The following VEPH1 variants were observed in gnomAD, a reference collection of about 807,000 sequenced individuals.
VEPH1 encodes the protein ventricular zone-expressed PH domain-containing protein homolog 1.
A neutral mutation model predicts 85.2 loss-of-function variants in VEPH1; 80 were observed. That is an observed-to-expected ratio of 0.94 (90% CI 0.78 to 1.13). The LOEUF (loss-of-function observed/expected upper bound fraction) is 1.13. Ranked by LOEUF, VEPH1 falls within the 50% of genes most tolerant of loss-of-function variation. The pLI is 0.00. For synonymous variants in VEPH1, 297 were observed against 348.0 expected (o/e 0.85, Z 1.63); for missense variants, 955 against 980.5 (o/e 0.97, Z 0.35).
At chr3:157,492,287 C>T (rs575391388) in intron 2 of VEPH1, among the ~76,000 whole-genome samples, 1 of 152,272 alleles carries the variant, frequency 6.6e-6, no homozygotes, top group South Asian at 2.1e-4. Flanking sequence ...CAGCATGAAA[C>T]ACACAAGAAT....
intron 6 of VEPH1, among the ~76,000 whole-genome samples, chr3:157,402,912 G>T (rs994963106): frequency 9.9e-5 from 15 of 152,102 alleles, no homozygotes; most frequent in African/African-American, 3.6e-4. Context: ...ATAGTGTATT[G>T]TTGCTAAGCC....
chr3:157,378,748 C>T (rs13068603), intron 7 of VEPH1, among the ~76,000 whole-genome samples: 3 of 151,954 alleles, frequency 2.0e-5, no homozygotes, highest in Non-Finnish European at 2.9e-5. Flanking sequence ...GTTAAGAGAT[C>T]GTCCCAGGTT....
Position 157,470,832 on chromosome 3 carries a change from T to C in VEPH1, c.139-303A>G, listed in dbSNP as rs1736880367. 2.0e-5 allele frequency among the ~76,000 whole-genome samples: 3 copies of C among 152,126 alleles called. No homozygotes were observed. In the South Asian group the frequency reaches 6.2e-4, roughly 32 times the overall value. On this transcript the variant is annotated intron_variant, in intron 2 of 13. Coordinates refer to ENST00000362010, the MANE Select transcript of VEPH1 (RefSeq NM_001167912.2). ...GGGTTTAATCTTTAGACTATTTCAG[T>C]TTCTAAGTCCATTACAGGGCAGGGG...
At chr3:157,398,484 A>G (rs1365292381) in intron 6 of VEPH1, among the ~76,000 whole-genome samples, 1 of 152,116 alleles carries the variant, frequency 6.6e-6, no homozygotes, top group Admixed American at 6.5e-5. Flanking sequence ...AAATACAAAA[A>G]TTAGCTGGGC....
At chr3:157,476,882 C>T (rs1737520934) in intron 2 of VEPH1, among the ~76,000 whole-genome samples, 2 of 152,148 alleles carry the variant, frequency 1.3e-5, no homozygotes, top group South Asian at 2.1e-4. Flanking sequence ...GGAGCAGTCA[C>T]AACCTGAGAA....
chr3:157,369,163 A>G (rs1727102240), intron 7 of VEPH1, among the ~76,000 whole-genome samples: 1 of 143,430 alleles, frequency 7.0e-6, no homozygotes, highest in Non-Finnish European at 1.5e-5. Flanking sequence ...TAACAACAAC[A>G]ACAACAAAAA....
rs192578092 is a variant in VEPH1, at chr3:157,384,707, C to T, written c.907-3331G>A. 8.4e-4 allele frequency among the ~76,000 whole-genome samples: 128 copies of T among 152,288 alleles called. 1 individual carries two copies. The highest frequency in any genetic ancestry group is 5.7e-4 in the Non-Finnish European group (39 of 68,018). ...CTGGAACTAAAGTATGAAACCAAGCCAACCTCACATCATTTGTTCTGAAAC... is the reference window on the plus strand; with the variant it reads ...CTGGAACTAAAGTATGAAACCAAGCTAACCTCACATCATTTGTTCTGAAAC... On this transcript the variant is annotated intron_variant, in intron 6 of 13. Coordinates refer to ENST00000362010, the MANE Select transcript of VEPH1 (RefSeq NM_001167912.2).
intron 12 of VEPH1, among the ~76,000 whole-genome samples, chr3:157,279,735 C>T (rs1016499102): frequency 1.1e-4 from 17 of 151,894 alleles, no homozygotes; most frequent in African/African-American, 3.9e-4. Context: ...ACCAGTATGT[C>T]AGTTGGGCCT....
chr3:157,273,946 A>G (rs1277051049), intron 12 of VEPH1, among the ~76,000 whole-genome samples: 5 of 152,214 alleles, frequency 3.3e-5, no homozygotes, highest in African/African-American at 1.2e-4. Context: ...TTTCTCTAGT[A>G]TAGGCCTATG....
intron 5 of VEPH1, among the ~76,000 whole-genome samples, chr3:157,415,457 G>C (rs914847029): frequency 1.3e-5 from 2 of 152,128 alleles, no homozygotes; most frequent in Admixed American, 6.5e-5. Context: ...TTCAGGGAAG[G>C]CCTCTCTCAG....
At position 157,317,134 on chromosome 3, in the gene VEPH1, G is replaced by T. The variant is rs372901665; in HGVS notation, c.1803C>A (p.Tyr601Ter). ...TCSLKGHYCL[Y>*]SKSSFILISQ... ...TGATGAGAATAAAACTGGACTTACT[G>T]TATAGGCAGTAATGACCCTTCAGGG... Residue 601 changes from tyrosine (Y) to a stop codon, truncating the protein, a stop_gained, in exon 10 of 14, where the codon TAC becomes TAA. Coordinates refer to ENST00000362010, the MANE Select transcript of VEPH1 (RefSeq NM_001167912.2). LOFTEE classifies it high-confidence loss of function. 6.2e-7 allele frequency: 1 copy of T among 1,613,690 alleles called. No individual in the cohort carries two copies. Among genetic ancestry groups the T allele is most frequent in the Non-Finnish European group, 8.5e-7 (1 of 1,179,782 alleles).
At chr3:157,431,224 C>T (rs537598527) in intron 4 of VEPH1, among the ~76,000 whole-genome samples, 11 of 152,266 alleles carry the variant, frequency 7.2e-5, no homozygotes, top group East Asian at 5.8e-4. Context: ...CTTTGCTTTC[C>T]GCCAGGATTG....
intron 7 of VEPH1, among the ~76,000 whole-genome samples, chr3:157,365,936 C>T (rs1156414174): frequency 6.6e-6 from 1 of 152,200 alleles, no homozygotes. Context: ...TTAACTCGAT[C>T]TTCAGCCCCT....
chr3:157,486,152 A>T (rs73013623), intron 2 of VEPH1, among the ~76,000 whole-genome samples: 1,769 of 152,276 alleles, frequency 0.012, 25 homozygotes, highest in African/African-American at 0.039. Flanking sequence ...ATATTAAGAC[A>T]TCCAATAATT....
At chr3:157,327,363 T>G (rs1722022855) in intron 9 of VEPH1, among the ~76,000 whole-genome samples, 1 of 152,144 alleles carries the variant, frequency 6.6e-6, no homozygotes, top group African/African-American at 2.4e-5. Flanking sequence ...GGGATTAACT[T>G]TAGGCAGGGA....
intron 11 of VEPH1, among the ~76,000 whole-genome samples, chr3:157,289,590 C>A (rs1467932464): frequency 6.6e-6 from 1 of 152,162 alleles, no homozygotes; most frequent in Admixed American, 6.5e-5. Context: ...AACCAACAAC[C>A]AGTGACACCT....
chr3:157,308,246 GTAAAATGC>G (rs1719731026), intron 11 of VEPH1, among the ~76,000 whole-genome samples: 1 of 151,740 alleles, frequency 6.6e-6, no homozygotes, highest in African/African-American at 2.4e-5. Flanking sequence ...TAGGATCACT[GTAAAATGC>G]TAAATTTTGA....
intron 12 of VEPH1, among the ~76,000 whole-genome samples, chr3:157,276,751 TCCAAGATGGTAA>T (rs1457912541): frequency 3.9e-5 from 6 of 152,182 alleles, no homozygotes. Context: ...AAGGGCACTT[TCCAAGATGGTAA>T]CCTGTTTAAT....
chr3:157,371,083 A>G (rs9845182), intron 7 of VEPH1, among the ~76,000 whole-genome samples: 26,041 of 152,154 alleles, frequency 0.17, 2,606 homozygotes, highest in South Asian at 0.43. Context: ...TTTGACACTG[A>G]AAGAAGGAGG....
Sources: allele counts gnomAD v4.1 joint callset (sites outside exome capture counted in the v4.1 genomes callset), GRCh38; gene constraint gnomAD v4.1.1; transcripts MANE v1.5; gene names NCBI Gene and HGNC (gene_info 2026-07-23, HGNC 2026-07-21).